The following DSCC1 variants were observed in gnomAD, a reference collection of about 807,000 sequenced individuals.
The protein encoded by DSCC1 is DNA replication and sister chromatid cohesion 1, also known as sister chromatid cohesion protein DCC1.
A neutral mutation model predicts 48.2 loss-of-function variants in DSCC1; 32 were observed. The observed-to-expected ratio is 0.66, with a 90% CI of 0.50 to 0.89. DSCC1 has a LOEUF of 0.89. DSCC1 is among the 40% of genes least tolerant of loss of function. The probability of loss-of-function intolerance (pLI) is 0.00; values close to 1 mark genes in which losing one functional copy is unlikely to be tolerated. For missense variants in DSCC1, 421 were observed against 471.7 expected (o/e 0.89, Z 1.00); for synonymous variants, 150 against 171.5 (o/e 0.87, Z 0.98).
In DSCC1 at chr8:119,842,761, C is replaced by T. The variant is rs1025355328; in HGVS notation, c.769+15G>A. ...AACATATAAGAGTTAAATGAGAATA[C>T]TTTCCAAATCTTACCTTCATCTACA... On this transcript the variant is annotated intron_variant, in intron 6 of 8. Coordinates refer to ENST00000313655, the MANE Select transcript of DSCC1 (RefSeq NM_024094.3). The T allele has an allele frequency of 4.4e-6, 7 of 1,601,554 alleles. No homozygotes were observed. The highest frequency in any genetic ancestry group is 6.0e-6 in the Non-Finnish European group (7 of 1,170,474).
At chr8:119,849,912 G>GT (rs998729346) in intron 3 of DSCC1, among the ~76,000 whole-genome samples, 3 of 152,064 alleles carry the variant, frequency 2.0e-5, no homozygotes, top group African/African-American at 7.2e-5. Context: ...CTTTGTTTAT[G>GT]TTTTTCCATA....
chr8:119,852,511 G>A lies in DSCC1; in HGVS notation c.351+536C>T, dbSNP rs1333703723. Among the ~76,000 whole-genome samples, 6 of 152,038 alleles carry A rather than the reference G, an allele frequency of 3.9e-5. No individual in the cohort carries two copies. In the East Asian group the frequency reaches 5.8e-4, roughly 15 times the overall value. The stretch of plus-strand genomic sequence containing the variant: ...TGGGATTACAGGTGCACGCCACCAC[G>A]CTTGGCTAATTTTTTTGCATTTTAG... On this transcript the variant is annotated intron_variant, in intron 2 of 8. Transcript: ENST00000313655.
intron 4 of DSCC1, 54 bp from the exon 5 acceptor site, chr8:119,843,801 G>C: frequency 6.5e-7 from 1 of 1,549,484 alleles, no homozygotes; most frequent in Non-Finnish European, 8.7e-7. Flanking sequence ...TTTAAGGCAG[G>C]GTCTCAACTC....
chr8:119,835,760 C>T (rs1007716936), intron 8 of DSCC1, among the ~76,000 whole-genome samples: 5 of 152,046 alleles, frequency 3.3e-5, no homozygotes, highest in African/African-American at 9.7e-5. Flanking sequence ...ATACAAGGTA[C>T]CTGTGTGAAC....
chr8:119,845,021 C>T (rs1161484251), intron 4 of DSCC1, among the ~76,000 whole-genome samples: 1 of 151,930 alleles, frequency 6.6e-6, no homozygotes, highest in Non-Finnish European at 1.5e-5. Context: ...AGATCCCTTT[C>T]CTATTCCTGT....
At chr8:119,853,612 G>C (rs754917872) in intron 1 of DSCC1, among the ~76,000 whole-genome samples, 3 of 152,276 alleles carry the variant, frequency 2.0e-5, no homozygotes, top group Non-Finnish European at 4.4e-5. Flanking sequence ...AGGCATCTTA[G>C]AGAGTGTTGT....
At chr8:119,852,289 T>C (rs1826952191) in intron 2 of DSCC1, among the ~76,000 whole-genome samples, 1 of 152,228 alleles carries the variant, frequency 6.6e-6, no homozygotes, top group South Asian at 2.1e-4. Flanking sequence ...TATACTTGGC[T>C]ACAGATATTA....
chr8:119,835,602 A>G (rs1826669109), intron 8 of DSCC1, among the ~76,000 whole-genome samples: 1 of 152,248 alleles, frequency 6.6e-6, no homozygotes, highest in Non-Finnish European at 1.5e-5. Context: ...TCAGACAAGT[A>G]ATAAATGAGA....
intron 4 of DSCC1, 37 bp from the exon 5 acceptor site, chr8:119,843,784 T>TC (rs772640000): frequency 2.5e-6 from 4 of 1,588,646 alleles, no homozygotes; most frequent in Non-Finnish European, 3.4e-6. Context: ...CAAAGAACTT[T>TC]TTTTTTTTTA....
chr8:119,849,172 G>A (rs1302229616), intron 3 of DSCC1, among the ~76,000 whole-genome samples: 2 of 85,676 alleles, frequency 2.3e-5, no homozygotes, highest in Admixed American at 1.4e-4. Context: ...GCGACAGAGC[G>A]AGACTCCCTC....
At chr8:119,849,570 G>A (rs1159995226) in intron 3 of DSCC1, among the ~76,000 whole-genome samples, 1 of 152,194 alleles carries the variant, frequency 6.6e-6, no homozygotes, top group Non-Finnish European at 1.5e-5. Context: ...AAGTTTATTA[G>A]TGGTAGCCTA....
rs546318936 is a variant in DSCC1 at position 119,841,530 on chromosome 8, T to C, written c.924+264A>G. Among the ~76,000 whole-genome samples, 22 of 152,248 alleles carry C rather than the reference T, an allele frequency of 1.4e-4. No homozygotes were observed. The South Asian group carries it at 4.6e-3, about 32-fold the overall frequency. On this transcript the variant is annotated intron_variant, in intron 7 of 8. Transcript: ENST00000313655. ...GACCCAAGCGATCTTGTAGAGGTGA[T>C]AGATATGTTCTAAAACTGTATTGTA...
chr8:119,847,222 G>A (rs894190061), intron 3 of DSCC1, 142 bp from the exon 4 acceptor site: 7 of 658,526 alleles, frequency 1.1e-5, no homozygotes, highest in African/African-American at 7.3e-5. Context: ...AACATGTAAT[G>A]ATTTCTACAC....
rs765173667 is a variant in DSCC1, at chr8:119,853,234, A to C, written c.183-19T>G. 1.4e-5 allele frequency: 23 copies of C among 1,595,826 alleles called. No individual in the cohort carries two copies. The highest frequency in any genetic ancestry group is 2.0e-5 in the Non-Finnish European group (23 of 1,168,200). ...CACAAGACTGTAGCAAAATGGGGGA[A>C]AAATATATAGTTTATTGACAATCCA... On this transcript the variant is annotated intron_variant, in intron 1 of 8. Transcript: ENST00000313655.
rs937726268 is a variant in DSCC1 at position 119,850,683 on chromosome 8, G to A, written c.352-167C>T. ...CCAGCCATCTCAACTAGATGGATGGGCATCCTCAAGAACATCTTTTCAAAT... is the reference window on the plus strand; with the variant it reads ...CCAGCCATCTCAACTAGATGGATGGACATCCTCAAGAACATCTTTTCAAAT... On this transcript the variant is annotated intron_variant, in intron 2 of 8. Transcript: ENST00000313655. Among the ~76,000 whole-genome samples, 3 of 152,168 alleles carry A rather than the reference G, an allele frequency of 2.0e-5. No individual in the cohort carries two copies. In the East Asian group the frequency reaches 5.8e-4, roughly 29 times the overall value.
chr8:119,838,338 C>T lies in DSCC1; in HGVS notation c.994G>A (p.Glu332Lys), dbSNP rs766036218. The T allele has an allele frequency of 6.2e-7, 1 of 1,610,608 alleles. No homozygotes were observed. Among genetic ancestry groups the T allele is most frequent in the East Asian group, 2.2e-5 (1 of 44,798 alleles). Residue 332 changes from glutamate to lysine, a missense_variant, in exon 8 of 9, where the codon GAG (glutamate) becomes AAG (lysine). Transcript: ENST00000313655. Reference sequence around the variant, plus strand: ...CTATTAAAACGTTCCTGATTATCCTCAGGTAAATCATCTACTTTCAGCAAA... The same window carrying T: ...CTATTAAAACGTTCCTGATTATCCTTAGGTAAATCATCTACTTTCAGCAAA... ...IFLLKVDDLP[E>K]DNQERFNSLF...
At chr8:119,855,478 G>A (rs1465587902) in intron 1 of DSCC1, 136 bp downstream of exon 1, 5 of 1,251,952 alleles carry the variant, frequency 4.0e-6, no homozygotes, top group Admixed American at 5.9e-5. Flanking sequence ...TGGACTCCTC[G>A]GGAACAGGCA....
chr8:119,837,011 T>A (rs1053725258), intron 8 of DSCC1, among the ~76,000 whole-genome samples: 10 of 152,042 alleles, frequency 6.6e-5, no homozygotes, highest in African/African-American at 2.4e-4. Flanking sequence ...TATAGAAAGA[T>A]GGATGTCATT....
At chr8:119,839,413 G>A (rs905451775) in intron 7 of DSCC1, 1 of 152,192 alleles carries the variant, frequency 6.6e-6, no homozygotes, top group African/African-American at 2.4e-5. Context: ...CACCTATGTG[G>A]TCACTAAAGT....
Sources: allele counts gnomAD v4.1 joint callset (sites outside exome capture counted in the v4.1 genomes callset), GRCh38; gene constraint gnomAD v4.1.1; transcripts MANE v1.5; gene names NCBI Gene and HGNC (gene_info 2026-07-23, HGNC 2026-07-21).